Variants in LGR4 observed in about 807,000 individuals in gnomAD.
LGR4 encodes leucine-rich repeat-containing G protein-coupled receptor 4.
In LGR4, 44 loss-of-function variants were observed where a neutral mutation model predicts 84.8. That is an observed-to-expected ratio of 0.52 (90% CI 0.41 to 0.67). The LOEUF is 0.67. LGR4 is among the 30% of genes least tolerant of loss of function. The pLI is 0.00. For synonymous variants in LGR4, 429 were observed against 434.3 expected, an observed-to-expected ratio of 0.99 and a Z score of 0.15; for missense variants, 1,032 against 1,131.4, an observed-to-expected ratio of 0.91 and a Z score of 1.26.
chr11:27,450,554 C>T (rs1182806761), intron 1 of LGR4, among the ~76,000 whole-genome samples: 2 of 152,010 alleles, frequency 1.3e-5, no homozygotes, highest in African/African-American at 4.8e-5. Flanking sequence ...TTTGAGAAGC[C>T]GAGGTGGGTG....
chr11:27,391,217 C>G, intron 3 of LGR4, 52 bp from the exon 4 acceptor site: 1 of 777,162 alleles, frequency 1.3e-6, no homozygotes, highest in East Asian at 3.1e-5. Context: ...ACCATTTTTT[C>G]TTAGAAAAAT....
chr11:27,459,676 C>T (rs1444858445), intron 1 of LGR4, among the ~76,000 whole-genome samples: 1 of 151,832 alleles, frequency 6.6e-6, no homozygotes, highest in Non-Finnish European at 1.5e-5. Context: ...GGGGTTTCAC[C>T]ATCTTGGCCA....
intron 1 of LGR4, among the ~76,000 whole-genome samples, chr11:27,468,874 C>A (rs560550342): frequency 6.6e-6 from 1 of 152,124 alleles, no homozygotes; most frequent in Non-Finnish European, 1.5e-5. Flanking sequence ...AATTTGTGCT[C>A]GAGGTCTACG....
At position 27,472,398 on chromosome 11, in the gene LGR4, G is replaced by C; in HGVS notation, c.-96C>G. 1 of 1,012,690 alleles carries C rather than the reference G, an allele frequency of 9.9e-7. No individual in the cohort carries two copies. Among genetic ancestry groups the C allele is most frequent in the Non-Finnish European group, 1.3e-6 (1 of 795,694 alleles). The allele number at this position is 1,012,690 out of a possible 1,614,324, so 62.7% of individuals were successfully genotyped here. The stretch of plus-strand genomic sequence containing the variant: ...CCGCCCCCGGGCAGCCGGCCTGCGG[G>C]CTGGAGCGGGGGTCTCTTCCTCGGC... On this transcript the variant is annotated 5_prime_UTR_variant, in exon 1 of 18. Transcript: ENST00000379214.
At chr11:27,454,404 G>A (rs1864535965) in intron 1 of LGR4, among the ~76,000 whole-genome samples, 1 of 152,160 alleles carries the variant, frequency 6.6e-6, no homozygotes, top group Non-Finnish European at 1.5e-5. Context: ...AGATACTTTT[G>A]GGTTGACAAT....
rs995189898 is a variant in LGR4, at chr11:27,367,724, A to G, written c.*143T>C. 3.3e-6 allele frequency: 2 copies of G among 599,292 alleles called. No homozygotes were observed. Among genetic ancestry groups the G allele is most frequent in the Non-Finnish European group, 5.7e-6 (2 of 350,958 alleles). 37.1% of individuals were successfully genotyped at this position (599,292 alleles called of 1,614,324 possible). A position where few individuals can be genotyped will look rare whatever the true frequency, so the allele number is the denominator to read the frequency against. ...CTGTTCTTTGAAAATGACTGGTTTG[A>G]GAAATAAACTGCCACCTCTCCTTCT... On this transcript the variant is annotated 3_prime_UTR_variant, in exon 18 of 18. Coordinates refer to ENST00000379214, the MANE Select transcript of LGR4 (RefSeq NM_018490.5).
At chr11:27,373,716 T>C (rs1862926592) in intron 14 of LGR4, 40 bp from the exon 15 acceptor site, 1 of 1,500,668 alleles carries the variant, frequency 6.7e-7, no homozygotes, top group African/African-American at 1.4e-5. Context: ...GCCCAATATA[T>C]AAATCACATA....
intron 1 of LGR4, among the ~76,000 whole-genome samples, chr11:27,439,373 T>G (rs1161228020): frequency 6.6e-6 from 1 of 152,236 alleles, no homozygotes; most frequent in Non-Finnish European, 1.5e-5. Context: ...AGTTCATCCA[T>G]TTTGTAGCAT....
chr11:27,373,328 A>G (rs143819306), intron 15 of LGR4: 26 of 385,442 alleles, frequency 6.7e-5, no homozygotes, highest in Non-Finnish European at 1.2e-4. Context: ...GAATAGCTGT[A>G]TTATCTCTTT....
At chr11:27,452,900 A>G (rs1276798757) in intron 1 of LGR4, among the ~76,000 whole-genome samples, 5 of 151,958 alleles carry the variant, frequency 3.3e-5, no homozygotes, top group African/African-American at 9.7e-5. Context: ...ATGTGTATCA[A>G]TAGTTTGTAT....
At chr11:27,376,451 G>A in intron 12 of LGR4, 81 bp from the exon 13 acceptor site, 1 of 650,340 alleles carries the variant, frequency 1.5e-6, no homozygotes, top group Non-Finnish European at 2.6e-6. Flanking sequence ...GAAAGGGATA[G>A]AGAAAAAGAA....
Position 27,380,312 on chromosome 11 carries a change from CTGCACCATGCT to C in LGR4, c.919_929del (p.Ser307AlafsTer26). ...CAGTTCCTGTAAGATTGGGGAACTG[CTGCACCATGCT>C]TGCACCACGAATGACTCTTTATGAA... On this transcript the variant is annotated frameshift_variant, in exon 10 of 18. Coordinates refer to ENST00000379214, the MANE Select transcript of LGR4 (RefSeq NM_018490.5). LOFTEE classifies it high-confidence loss of function. The C allele has an allele frequency of 6.2e-7, 1 of 1,611,632 alleles. No homozygotes were observed. Among genetic ancestry groups the C allele is most frequent in the Non-Finnish European group, 8.5e-7 (1 of 1,178,698 alleles).
At chr11:27,392,812 C>A (rs1336656726) in intron 2 of LGR4, among the ~76,000 whole-genome samples, 2 of 152,108 alleles carry the variant, frequency 1.3e-5, no homozygotes, top group African/African-American at 4.8e-5. Context: ...GTTTGCTATT[C>A]ATGGTCACTC....
rs745335684 is a variant in LGR4 at position 27,369,160 on chromosome 11, C to CAG, written c.1580-19_1580-18dup. The CAG allele has an allele frequency of 6.5e-7, 1 of 1,537,912 alleles. No homozygotes were observed. The highest frequency in any genetic ancestry group is 1.9e-4 in the Middle Eastern group (1 of 5,226). On this transcript the variant is annotated splice_polypyrimidine_tract_variant and intron_variant, in intron 17 of 17. Transcript: ENST00000379214. ...TAAAAGCACCTAAAAAAAACACACA[C>CAG]AGAGAGAGAGAAATAAAAGATAACT...
chr11:27,380,842 C>T (rs118101868), intron 8 of LGR4, 53 bp downstream of exon 8: 22,409 of 1,242,936 alleles, frequency 0.018, 385 homozygotes, highest in South Asian at 0.07. Context: ...TGGCATTGTA[C>T]GGACACAGCT....
At position 27,391,133 on chromosome 11, in the gene LGR4, G is replaced by A. The variant is rs761154827; in HGVS notation, c.362C>T (p.Pro121Leu). ...ACTCAGCCCTCGAATGGCTTCACTGGGTACTGTTTTCAACTGATTATTCTG... is the reference window on the plus strand; with the variant it reads ...ACTCAGCCCTCGAATGGCTTCACTGAGTACTGTTTTCAACTGATTATTCTG... The part of the protein sequence containing the change: ...TLQNNQLKTV[P>L]SEAIRGLSAL... Residue 121 changes from proline (P) to leucine (L), a missense_variant, in exon 4 of 18, where the codon CCC (proline) becomes CTC (leucine). By Grantham distance (98) the Pro-to-Leu change is moderately conservative. Transcript: ENST00000379214. 11 of 1,609,822 alleles carry A rather than the reference G, an allele frequency of 6.8e-6. No individual in the cohort carries two copies. The highest frequency in any genetic ancestry group is 9.3e-6 in the Non-Finnish European group (11 of 1,177,820).
chr11:27,412,784 C>T lies in LGR4; in HGVS notation c.257+5G>A, dbSNP rs1450183589. 2 of 1,530,856 alleles carry T rather than the reference C, an allele frequency of 1.3e-6. No homozygotes were observed. Among genetic ancestry groups the T allele is most frequent in the Non-Finnish European group, 1.8e-6 (2 of 1,104,938 alleles). 94.8% of individuals were successfully genotyped at this position (1,530,856 alleles called of 1,614,324 possible). A position where few individuals can be genotyped will look rare whatever the true frequency, so the allele number is the denominator to read the frequency against. On this transcript the variant is annotated splice_donor_5th_base_variant and intron_variant, in intron 2 of 17. Coordinates refer to ENST00000379214, the MANE Select transcript of LGR4 (RefSeq NM_018490.5). Reference sequence around the variant, plus strand: ...TACACACACATTTCTCAAAGTAATACTTACAGCTCTTCTAGAAAAGGAAAG... The same window carrying T: ...TACACACACATTTCTCAAAGTAATATTTACAGCTCTTCTAGAAAAGGAAAG...
At chr11:27,430,137 T>C (rs1258957794) in intron 1 of LGR4, among the ~76,000 whole-genome samples, 1 of 152,136 alleles carries the variant, frequency 6.6e-6, no homozygotes, top group East Asian at 1.9e-4. Context: ...AACTATGCAT[T>C]TTTTCCCTAG....
chr11:27,415,825 A>T (rs973608789), intron 1 of LGR4, among the ~76,000 whole-genome samples: 6 of 152,092 alleles, frequency 3.9e-5, no homozygotes, highest in Admixed American at 3.9e-4. Flanking sequence ...ATCCATTTAA[A>T]ATAATGAGGG....
Sources: allele counts gnomAD v4.1 joint callset (sites outside exome capture counted in the v4.1 genomes callset), GRCh38; gene constraint gnomAD v4.1.1; transcripts MANE v1.5; gene names NCBI Gene and HGNC (gene_info 2026-07-23, HGNC 2026-07-21).